Variants in ATP10D observed in about 807,000 individuals in gnomAD.
The protein encoded by ATP10D is ATPase phospholipid transporting 10D (putative), also known as phospholipid-transporting ATPase VD.
A neutral mutation model predicts 144.8 loss-of-function variants in ATP10D; 89 were observed. The ratio of observed to expected loss-of-function variants is 0.61; its 90% CI spans 0.52 to 0.73. The LOEUF (loss-of-function observed/expected upper bound fraction) is 0.73, where lower values mean the gene tolerates loss of function less well. ATP10D is among the 30% of genes least tolerant of loss of function. The pLI, the probability that ATP10D is intolerant of heterozygous loss-of-function variation, is 0.00. For missense variants in ATP10D, 1,603 were observed against 1,714.8 expected (o/e 0.93, Z 1.15); for synonymous variants, 571 against 615.1 (o/e 0.93, Z 1.06).
intron 1 of ATP10D, among the ~76,000 whole-genome samples, chr4:47,501,027 G>A (rs1715655684): frequency 1.3e-5 from 2 of 152,172 alleles, no homozygotes; most frequent in South Asian, 2.1e-4. Flanking sequence ...CAACCTGTAG[G>A]TACTGGAACA....
chr4:47,525,147 T>C (rs1048951332), intron 4 of ATP10D, among the ~76,000 whole-genome samples: 1 of 152,224 alleles, frequency 6.6e-6, no homozygotes, highest in Non-Finnish European at 1.5e-5. Flanking sequence ...AAAATTTGGC[T>C]GAGATCAAAT....
chr4:47,545,294 T>C (rs535477778), intron 9 of ATP10D, among the ~76,000 whole-genome samples: 3 of 152,336 alleles, frequency 2.0e-5, no homozygotes, highest in African/African-American at 7.2e-5. Context: ...GCTCTGATCA[T>C]CTTGAGTTAT....
chr4:47,590,987 G>GGGT, intron 22 of ATP10D, 55 bp from the exon 23 acceptor site: 1 of 1,212,908 alleles, frequency 8.2e-7, no homozygotes, highest in Non-Finnish European at 1.1e-6. Context: ...GGGGGGGGGG[G>GGGT]TTCTGTAATG....
At chr4:47,557,108 T>C (rs1719026376) in intron 11 of ATP10D, 1 of 152,160 alleles carries the variant, frequency 6.6e-6, no homozygotes, top group Non-Finnish European at 1.5e-5. Context: ...TATACTAGTC[T>C]CATAGCTTTT....
intron 5 of ATP10D, among the ~76,000 whole-genome samples, chr4:47,526,702 G>A (rs1005834846): frequency 1.8e-4 from 28 of 152,054 alleles, no homozygotes; most frequent in African/African-American, 6.0e-4. Context: ...TACAAAAATC[G>A]ATTGTATTTT....
intron 1 of ATP10D, among the ~76,000 whole-genome samples, chr4:47,511,248 T>C (rs35828296): frequency 0.19 from 28,431 of 152,144 alleles, 2,807 homozygotes; most frequent in African/African-American, 0.21. Context: ...TAGTTATCTA[T>C]AAATAAATAT....
In ATP10D at chr4:47,591,597, A is replaced by G. The variant is rs1252837962; in HGVS notation, c.*216A>G. 2 of 369,588 alleles carry G rather than the reference A, an allele frequency of 5.4e-6. No homozygotes were observed. Among genetic ancestry groups the G allele is most frequent in the African/African-American group, 2.1e-5 (1 of 47,798 alleles). The allele number at this position is 369,588 out of a possible 1,614,324, so 22.9% of individuals were successfully genotyped here. Reference sequence around the variant, plus strand: ...TAGAGAGAGTTTAAGGAAGTGAAATATTTAATTCAGAACCAAATGCTTTTG... The same window carrying G: ...TAGAGAGAGTTTAAGGAAGTGAAATGTTTAATTCAGAACCAAATGCTTTTG... On this transcript the variant is annotated 3_prime_UTR_variant, in exon 23 of 23. Coordinates refer to ENST00000273859, the MANE Select transcript of ATP10D (RefSeq NM_020453.4).
chr4:47,565,547 G>A (rs1232284923), intron 15 of ATP10D, among the ~76,000 whole-genome samples: 1 of 152,068 alleles, frequency 6.6e-6, no homozygotes, highest in East Asian at 1.9e-4. Flanking sequence ...CTCCTGTGCC[G>A]CTTTTTCTTT....
intron 16 of ATP10D, among the ~76,000 whole-genome samples, chr4:47,570,018 A>C (rs1719868240): frequency 1.3e-5 from 2 of 152,354 alleles, no homozygotes; most frequent in Admixed American, 1.3e-4. Flanking sequence ...ACATTATAAA[A>C]TTAGGGAGCC....
At chr4:47,559,091 G>C in intron 13 of ATP10D, 62 bp downstream of exon 13, 1 of 1,302,178 alleles carries the variant, frequency 7.7e-7, no homozygotes, top group Non-Finnish European at 1.1e-6. Context: ...ATCACTGACT[G>C]AAAACCAGCG....
intron 15 of ATP10D, 81 bp from the exon 16 acceptor site, chr4:47,568,756 T>TA (rs1266900565): frequency 7.8e-7 from 1 of 1,280,956 alleles, no homozygotes; most frequent in Non-Finnish European, 1.1e-6. Flanking sequence ...CAGCAATTGC[T>TA]AAAAAATGAC....
intron 11 of ATP10D, among the ~76,000 whole-genome samples, chr4:47,555,849 G>A (rs973930193): frequency 4.6e-5 from 7 of 151,904 alleles, no homozygotes; most frequent in African/African-American, 1.7e-4. Context: ...CACCTCCCAG[G>A]TTCAAGCAAT....
At chr4:47,551,418 T>C (rs1252350554) in intron 10 of ATP10D, among the ~76,000 whole-genome samples, 1 of 152,220 alleles carries the variant, frequency 6.6e-6, no homozygotes, top group East Asian at 1.9e-4. Flanking sequence ...TCTTGTGAAG[T>C]AAAAATTTTC....
In ATP10D at chr4:47,515,540, C is replaced by G. The variant is rs1238757013; in HGVS notation, c.355C>G (p.Gln119Glu). Residue 119 changes from glutamine (Q) to glutamate (E), a missense_variant, in exon 3 of 23, where the codon CAA (glutamine) becomes GAA (glutamate). By Grantham distance (29) the Gln-to-Glu change is conservative. Coordinates refer to ENST00000273859, the MANE Select transcript of ATP10D (RefSeq NM_020453.4). The stretch of plus-strand genomic sequence containing the variant: ...CTGGGTACCTTTGGTAGAAGCCTTC[C>G]AAAAGGAAATCACCATGTTGCCTCT... ...LNWVPLVEAF[Q>E]KEITMLPLVV... 6.2e-7 allele frequency: 1 copy of G among 1,613,790 alleles called. No individual in the cohort carries two copies. Among genetic ancestry groups the G allele is most frequent in the South Asian group, 1.1e-5 (1 of 91,054 alleles).
In ATP10D at chr4:47,591,487, A is replaced by G; in HGVS notation, c.*106A>G. ...TTGTTTTTCCATAAGGGACATGAGC[A>G]TTTTACTAGGCTTGGAAGAGCTGAC... On this transcript the variant is annotated 3_prime_UTR_variant, in exon 23 of 23. Coordinates refer to ENST00000273859, the MANE Select transcript of ATP10D (RefSeq NM_020453.4). 2 of 927,866 alleles carry G rather than the reference A, an allele frequency of 2.2e-6. No homozygotes were observed. Among genetic ancestry groups the G allele is most frequent in the Non-Finnish European group, 3.2e-6 (2 of 624,204 alleles). The allele number at this position is 927,866 out of a possible 1,614,324, so 57.5% of individuals were successfully genotyped here.
chr4:47,515,399 A>T (rs1363347312), intron 2 of ATP10D, 77 bp from the exon 3 acceptor site: 5 of 1,161,952 alleles, frequency 4.3e-6, no homozygotes, highest in Non-Finnish European at 6.1e-6. Context: ...TTACAGAAAA[A>T]CAATATAGTA....
At chr4:47,502,472 A>T (rs1258053274) in intron 1 of ATP10D, among the ~76,000 whole-genome samples, 3 of 69,936 alleles carry the variant, frequency 4.3e-5, no homozygotes, top group African/African-American at 1.0e-4. Context: ...TACGTCTCAT[A>T]AAAAAAAAAA....
In ATP10D at chr4:47,491,210, C is replaced by A. The variant is rs915582506; in HGVS notation, c.-38+5691C>A. On this transcript the variant is annotated intron_variant, in intron 1 of 22. Transcript: ENST00000273859. ...TCAATATGCACATTAATTCTCTTGG[C>A]AAGAATCTTGCCCTTAACTTGTTTA... 8 of 756,644 alleles carry A rather than the reference C, an allele frequency of 1.1e-5. No homozygotes were observed. In the African/African-American group the frequency reaches 1.4e-4, roughly 13 times the overall value. The allele number at this position is 756,644 out of a possible 1,614,324, so 46.9% of individuals were successfully genotyped here.
In ATP10D at chr4:47,558,015, G is replaced by C. The variant is rs909732631; in HGVS notation, c.2176G>C (p.Glu726Gln). The stretch of plus-strand genomic sequence containing the variant: ...GGCCTGCAACCTGTGTTATGAGGCC[G>C]AGAGCCCAGACGAAGCGGCCTTAGT... ...PLACNLCYEA[E>Q]SPDEAALVYA... The change falls in exon 12 of 23, where the codon GAG (glutamate) becomes CAG (glutamine). Residue 726 changes from glutamate to glutamine, a missense_variant. Physicochemically the swap from Glu to Gln is conservative, Grantham distance 29 (BLOSUM62 2). Coordinates refer to ENST00000273859, the MANE Select transcript of ATP10D (RefSeq NM_020453.4). The C allele has an allele frequency of 5.0e-6, 8 of 1,614,104 alleles. No homozygotes were observed. Among genetic ancestry groups the C allele is most frequent in the Non-Finnish European group, 6.8e-6 (8 of 1,179,954 alleles).
Sources: allele counts gnomAD v4.1 joint callset (sites outside exome capture counted in the v4.1 genomes callset), GRCh38; gene constraint gnomAD v4.1.1; transcripts MANE v1.5; gene names NCBI Gene and HGNC (gene_info 2026-07-23, HGNC 2026-07-21).